The following STK38 variants were observed in gnomAD, a reference collection of about 807,000 sequenced individuals.
The protein encoded by STK38 is serine/threonine kinase 38.
Under a neutral mutation model 59.0 loss-of-function variants are expected in STK38, and 26 were observed. The observed-to-expected ratio is 0.44, with a 90% CI of 0.32 to 0.61. STK38 has a LOEUF of 0.61. Ranked by LOEUF, STK38 falls within the 20% of genes least tolerant of loss-of-function variation. The pLI, the probability that STK38 is intolerant of heterozygous loss-of-function variation, is 0.04. For synonymous variants in STK38, 175 were observed against 176.6 expected (o/e 0.99, Z 0.07); for missense variants, 433 against 566.0 (o/e 0.76, Z 2.38).
intron 2 of STK38, among the ~76,000 whole-genome samples, chr6:36,538,018 C>T (rs963923360): frequency 6.6e-6 from 1 of 151,924 alleles, no homozygotes; most frequent in Non-Finnish European, 1.5e-5. Flanking sequence ...AACAAAATCA[C>T]AACCAGGCAC....
At chr6:36,515,866 A>C (rs1777238981) in intron 6 of STK38, among the ~76,000 whole-genome samples, 1 of 152,246 alleles carries the variant, frequency 6.6e-6, no homozygotes, top group Non-Finnish European at 1.5e-5. Flanking sequence ...GCTTTTCTGC[A>C]TCTGTAACTA....
In STK38 at chr6:36,495,570, G is replaced by A. The variant is rs1776681250; in HGVS notation, c.*214C>T. The A allele has an allele frequency of 1.9e-6, 1 of 526,298 alleles. No homozygotes were observed. The highest frequency in any genetic ancestry group is 3.7e-5 in the East Asian group (1 of 26,704). 32.6% of individuals were successfully genotyped at this position (526,298 alleles called of 1,614,324 possible). ...GCTTCTCTTCCAAAGCAGGATAGCT[G>A]TTTATGGCCGACGTAGTAGAAATGG... On this transcript the variant is annotated 3_prime_UTR_variant, in exon 14 of 14. Transcript: ENST00000229812.
intron 7 of STK38, among the ~76,000 whole-genome samples, 174 bp downstream of exon 7, chr6:36,515,164 A>G (rs1381361517): frequency 6.6e-6 from 1 of 152,106 alleles, no homozygotes; most frequent in African/African-American, 2.4e-5. Flanking sequence ...ACAGAACCAT[A>G]GCCTTTCAGA....
At chr6:36,540,432 G>A (rs536409927) in intron 1 of STK38, among the ~76,000 whole-genome samples, 258 of 152,286 alleles carry the variant, frequency 1.7e-3, no homozygotes, top group African/African-American at 5.2e-3. Context: ...TAAAGAAACC[G>A]TCACACAGGC....
chr6:36,497,803 T>C lies in STK38; in HGVS notation c.1149A>G (p.Glu383=). 4 of 1,613,374 alleles carry C rather than the reference T, an allele frequency of 2.5e-6. No individual in the cohort carries two copies. The highest frequency in any genetic ancestry group is 3.4e-6 in the Non-Finnish European group (4 of 1,179,740). The part of the protein sequence containing the change: ...VEEIKSNSFF[E]GVDWEHIRER... ...ACCTGATATGTTCCCAGTCAACGCC[T>C]TCAAAAAAAGAGTTACTTTTTATTT... Residue 383 remains glutamate, a synonymous_variant, in exon 12 of 14, where the codon GAA becomes GAG. Coordinates refer to ENST00000229812, the MANE Select transcript of STK38 (RefSeq NM_007271.4).
chr6:36,536,788 G>A (rs1361082746), intron 2 of STK38, among the ~76,000 whole-genome samples: 3 of 151,704 alleles, frequency 2.0e-5, no homozygotes, highest in Non-Finnish European at 4.4e-5. Context: ...CGCCCACCTC[G>A]GCCTCCCAAA....
intron 5 of STK38, among the ~76,000 whole-genome samples, chr6:36,518,795 C>T (rs1321895663): frequency 6.6e-6 from 1 of 152,180 alleles, no homozygotes; most frequent in Non-Finnish European, 1.5e-5. Flanking sequence ...AGACTCAGTC[C>T]AATCCCTGAA....
chr6:36,500,017 G>A, intron 9 of STK38, 27 bp from the exon 10 acceptor site: 1 of 1,570,432 alleles, frequency 6.4e-7, no homozygotes, highest in South Asian at 1.1e-5. Context: ...ACATCAGCGA[G>A]GCCCAGCCAG....
At chr6:36,528,222 C>A (rs886626939) in intron 2 of STK38, among the ~76,000 whole-genome samples, 2 of 152,046 alleles carry the variant, frequency 1.3e-5, no homozygotes, top group African/African-American at 4.8e-5. Context: ...ATTCTGTAGA[C>A]AACTGAGTGC....
intron 4 of STK38, among the ~76,000 whole-genome samples, chr6:36,522,904 T>C (rs1301026474): frequency 6.7e-6 from 1 of 149,302 alleles, no homozygotes; most frequent in Admixed American, 6.7e-5. Flanking sequence ...TCAAAATGTG[T>C]AATTAGGGAA....
chr6:36,517,587 G>C, intron 6 of STK38, 130 bp downstream of exon 6: 1 of 1,190,874 alleles, frequency 8.4e-7, no homozygotes, highest in Non-Finnish European at 1.2e-6. Flanking sequence ...TTCCTTTATA[G>C]ACCTAAAAAA....
intron 7 of STK38, among the ~76,000 whole-genome samples, chr6:36,508,444 G>A (rs539221045): frequency 6.6e-6 from 1 of 152,334 alleles, no homozygotes; most frequent in South Asian, 2.1e-4. Context: ...GTTGTTAAAT[G>A]AAGAGTAAAT....
At chr6:36,521,902 C>A in intron 4 of STK38, 85 bp from the exon 5 acceptor site, 1 of 1,080,718 alleles carries the variant, frequency 9.3e-7, no homozygotes, top group South Asian at 1.5e-5. Flanking sequence ...CAATAATTAA[C>A]TGAAAAAGTA....
intron 2 of STK38, among the ~76,000 whole-genome samples, chr6:36,526,541 T>G (rs1424905865): frequency 6.6e-6 from 1 of 151,944 alleles, no homozygotes; most frequent in Non-Finnish European, 1.5e-5. Flanking sequence ...GATGGGTCAC[T>G]TGAGGTCAGG....
At position 36,540,148 on chromosome 6, in the gene STK38, T is replaced by C. The variant is rs1777896580; in HGVS notation, c.55A>G (p.Arg19Gly). ...AGTGTCACTTTGGTCATTGTCACCC[T>C]TTCCTTTGTGTGGTTACTCATGGAT... The part of the protein sequence containing the change: ...CSSMSNHTKE[R>G]VTMTKVTLEN... Residue 19 changes from arginine (R) to glycine (G), a missense_variant, in exon 2 of 14, where the codon AGG (arginine) becomes GGG (glycine). By Grantham distance (125) the Arg-to-Gly change is moderately radical (BLOSUM62 -2). Transcript: ENST00000229812. 1 of 1,614,032 alleles carries C rather than the reference T, an allele frequency of 6.2e-7. No individual in the cohort carries two copies. The highest frequency in any genetic ancestry group is 1.3e-5 in the African/African-American group (1 of 74,942).
chr6:36,505,565 G>A (rs1776944161), intron 9 of STK38, among the ~76,000 whole-genome samples: 1 of 152,100 alleles, frequency 6.6e-6, no homozygotes, highest in Non-Finnish European at 1.5e-5. Flanking sequence ...GTTATTAAAG[G>A]TACTCTAGAG....
In STK38 at chr6:36,497,785, A is replaced by G. The variant is rs1391240416; in HGVS notation, c.1167T>C (p.His389=). 1.2e-6 allele frequency: 2 copies of G among 1,609,894 alleles called. No homozygotes were observed. Residue 389 remains histidine (H), a synonymous_variant, in exon 12 of 14, where the codon CAT becomes CAC. Transcript: ENST00000229812. ...AAGTGTTTATATGGATATACCTGAT[A>G]TGTTCCCAGTCAACGCCTTCAAAAA... ...NSFFEGVDWE[H]IRERPAAISI...
At position 36,495,545 on chromosome 6, in the gene STK38, G is replaced by T. The variant is rs1009123653; in HGVS notation, c.*239C>A. 1 of 410,844 alleles carries T rather than the reference G, an allele frequency of 2.4e-6. No individual in the cohort carries two copies. Among genetic ancestry groups the T allele is most frequent in the Non-Finnish European group, 4.4e-6 (1 of 227,988 alleles). 25.4% of individuals were successfully genotyped at this position (410,844 alleles called of 1,614,324 possible). Reference sequence around the variant, plus strand: ...AACACCTATCAAATTGGCTCATGATGCTTCTCTTCCAAAGCAGGATAGCTG... The same window carrying T: ...AACACCTATCAAATTGGCTCATGATTCTTCTCTTCCAAAGCAGGATAGCTG... On this transcript the variant is annotated 3_prime_UTR_variant, in exon 14 of 14. Transcript: ENST00000229812.
intron 2 of STK38, among the ~76,000 whole-genome samples, chr6:36,529,698 AG>A (rs59855945): frequency 0.027 from 4,148 of 152,300 alleles, 196 homozygotes; most frequent in African/African-American, 0.092. Context: ...CACTAAGAAT[AG>A]TGCTTTGTAC....
Sources: allele counts gnomAD v4.1 joint callset (sites outside exome capture counted in the v4.1 genomes callset), GRCh38; gene constraint gnomAD v4.1.1; transcripts MANE v1.5; gene names NCBI Gene and HGNC (gene_info 2026-07-23, HGNC 2026-07-21).